Variants in ZNF730 observed in about 807,000 individuals in gnomAD.
The protein encoded by ZNF730 is zinc finger protein 730.
A neutral mutation model predicts 12.6 loss-of-function variants in ZNF730; 12 were observed. That is an observed-to-expected ratio of 0.95 (90% CI 0.61 to 1.54). The LOEUF (loss-of-function observed/expected upper bound fraction) is 1.54. Among genes scored for constraint, ZNF730 ranks in the 40% most tolerant of loss-of-function variants. The pLI, the probability that ZNF730 is intolerant of heterozygous loss-of-function variation, is 0.00. For synonymous variants in ZNF730, 194 were observed against 195.8 expected, an observed-to-expected ratio of 0.99 and a Z score of 0.08; for missense variants, 643 against 583.5, an observed-to-expected ratio of 1.10 and a Z score of -1.05.
intron 1 of ZNF730, among the ~76,000 whole-genome samples, chr19:23,083,210 G>T (rs1184464474): frequency 6.6e-6 from 1 of 152,122 alleles, no homozygotes; most frequent in African/African-American, 2.4e-5. Flanking sequence ...CTGATCACGA[G>T]GTCAGGAGTT....
chr19:23,146,665 T>A lies in ZNF730; in HGVS notation c.*109T>A. On this transcript the variant is annotated 3_prime_UTR_variant, in exon 4 of 4. Transcript: ENST00000597761. The stretch of plus-strand genomic sequence containing the variant: ...CAAATGTGAAGAATGTGGCAAAGCT[T>A]TTAACCAGTCCTCAAATCTTACTAA... 6.5e-7 allele frequency: 1 copy of A among 1,534,210 alleles called. No individual in the cohort carries two copies. The highest frequency in any genetic ancestry group is 2.2e-5 in the East Asian group (1 of 44,462).
At chr19:23,091,829 CTT>C (rs1970164408) in intron 1 of ZNF730, among the ~76,000 whole-genome samples, 1 of 152,098 alleles carries the variant, frequency 6.6e-6, no homozygotes, top group Admixed American at 6.6e-5. Context: ...TCAGATGAGA[CTT>C]TGGACTGTGG....
At chr19:23,083,645 A>G (rs546672112) in intron 1 of ZNF730, among the ~76,000 whole-genome samples, 2 of 148,326 alleles carry the variant, frequency 1.3e-5, no homozygotes, top group East Asian at 4.0e-4. Flanking sequence ...GTTGTATATT[A>G]TTGTAGTTTG....
chr19:23,112,320 A>C (rs1468208713), upstream of ZNF730, among the ~76,000 whole-genome samples: 2 of 152,232 alleles, frequency 1.3e-5, no homozygotes. Flanking sequence ...ATGGCTCTAC[A>C]AACAATAGAA....
chr19:23,143,598 T>C (rs940677914), intron 3 of ZNF730: 2 of 152,230 alleles, frequency 1.3e-5, no homozygotes, highest in African/African-American at 4.8e-5. Flanking sequence ...ATCTTTTATA[T>C]GTTTGTGAAG....
At chr19:23,132,262 T>A (rs1380519740) in intron 1 of ZNF730, among the ~76,000 whole-genome samples, 1 of 152,092 alleles carries the variant, frequency 6.6e-6, no homozygotes, top group African/African-American at 2.4e-5. Context: ...GTAATTTGTT[T>A]CAAAAATCTC....
chr19:23,094,478 C>CATTT (rs149200028), intron 1 of ZNF730, among the ~76,000 whole-genome samples: 22,417 of 151,080 alleles, frequency 0.15, 1,695 homozygotes, highest in Non-Finnish European at 0.17. Context: ...AATAAGTTTT[C>CATTT]ATTTATTTAT....
intron 1 of ZNF730, among the ~76,000 whole-genome samples, chr19:23,094,653 T>C (rs1970220467): frequency 6.6e-6 from 1 of 152,040 alleles, no homozygotes; most frequent in African/African-American, 2.4e-5. Context: ...TTTGTATTTT[T>C]AGTAGAAATG....
chr19:23,134,384 G>T (rs1189085945), intron 2 of ZNF730, among the ~76,000 whole-genome samples, 178 bp downstream of exon 2: 3 of 147,412 alleles, frequency 2.0e-5, no homozygotes, highest in African/African-American at 7.5e-5. Flanking sequence ...CGGGAGGGAG[G>T]TGGGGGGGTC....
At chr19:23,090,092 A>G (rs967433384) in intron 1 of ZNF730, among the ~76,000 whole-genome samples, 5 of 152,142 alleles carry the variant, frequency 3.3e-5, no homozygotes, top group African/African-American at 1.2e-4. Context: ...CTAAAAATAC[A>G]AAAATCAGCT....
intron 1 of ZNF730, among the ~76,000 whole-genome samples, chr19:23,131,986 G>C (rs1221837625): frequency 1.3e-5 from 2 of 152,186 alleles, no homozygotes; most frequent in African/African-American, 4.8e-5. Flanking sequence ...TGTTTGGGTT[G>C]CATAGGAACA....
chr19:23,127,703 G>A, intron 1 of ZNF730: 2 of 1,240,250 alleles, frequency 1.6e-6, no homozygotes, highest in Non-Finnish European at 2.4e-6. Flanking sequence ...CACCAGCAGA[G>A]CAGGATCACT....
In ZNF730 at chr19:23,145,330, CAAG is replaced by C; in HGVS notation, c.290_292del (p.Glu97del). 6.3e-7 allele frequency: 1 copy of C among 1,590,658 alleles called. No individual in the cohort carries two copies. Among genetic ancestry groups the C allele is most frequent in the Non-Finnish European group, 8.5e-7 (1 of 1,170,892 alleles). On this transcript the variant is annotated inframe_deletion, in exon 4 of 4. Transcript: ENST00000597761. ...AGAGCAAGGCATAAAAGATTATTTC[CAAG>C]AAGTCATACTGAGACAATATAAAAA...
At chr19:23,122,181 G>A (rs757965321) in intron 1 of ZNF730, among the ~76,000 whole-genome samples, 26 of 108,054 alleles carry the variant, frequency 2.4e-4, no homozygotes, top group Admixed American at 7.3e-4. Context: ...CACTCTTGTC[G>A]CCCAGGCTGG....
intron 1 of ZNF730, among the ~76,000 whole-genome samples, chr19:23,079,829 A>G (rs1599562103): frequency 6.6e-6 from 1 of 152,178 alleles, no homozygotes; most frequent in East Asian, 1.9e-4. Flanking sequence ...GACTTTGACT[A>G]AGTATTCTAT....
intron 1 of ZNF730, among the ~76,000 whole-genome samples, chr19:23,094,387 T>TATCTA (rs1233982921): frequency 7.0e-6 from 1 of 143,728 alleles, no homozygotes; most frequent in Non-Finnish European, 1.5e-5. Context: ...TCTATCTATC[T>TATCTA]ATCTGTCTAT....
chr19:23,086,470 G>GTTTT (rs1301225027), intron 1 of ZNF730, among the ~76,000 whole-genome samples: 3 of 152,108 alleles, frequency 2.0e-5, no homozygotes, highest in East Asian at 3.9e-4. Flanking sequence ...TCTTGAGTTA[G>GTTTT]TTTTTGTATA....
upstream of ZNF730, chr19:23,116,830 A>G: frequency 2.2e-6 from 1 of 453,494 alleles, no homozygotes; most frequent in East Asian, 3.8e-5. Context: ...GTCTCAGTTC[A>G]GGGAGGAAGT....
upstream of ZNF730, among the ~76,000 whole-genome samples, chr19:23,115,352 AG>A (rs1179942099): frequency 9.2e-5 from 14 of 152,202 alleles, no homozygotes; most frequent in African/African-American, 3.4e-4. Context: ...TATGCAAAAA[AG>A]GCAGAATGAT....
Sources: gnomAD v4.1 joint callset for allele counts (sites outside exome capture counted in the v4.1 genomes callset) on GRCh38, gnomAD v4.1.1 for gene constraint, MANE v1.5 for transcripts, NCBI Gene and HGNC (gene_info 2026-07-23, HGNC 2026-07-21) for gene names.